FER: variants seen among roughly 807,000 people sequenced by gnomAD.
The protein encoded by FER is tyrosine-protein kinase Fer.
A neutral mutation model predicts 111.0 loss-of-function variants in FER; 63 were observed. The observed-to-expected ratio is 0.57, with a 90% CI of 0.46 to 0.70. The LOEUF (loss-of-function observed/expected upper bound fraction) is 0.70. Among genes scored for constraint, FER ranks in the 30% least tolerant of loss-of-function variants. The pLI is 0.00. For missense variants in FER, 914 were observed against 954.0 expected, an observed-to-expected ratio of 0.96 and a Z score of 0.55; for synonymous variants, 327 against 313.9, an observed-to-expected ratio of 1.04 and a Z score of -0.44.
chr5:108,785,358 T>C (rs1309770381), intron 2 of FER: 1 of 581,438 alleles, frequency 1.7e-6, no homozygotes, highest in Admixed American at 1.9e-5. Flanking sequence ...TGTGCTGCCA[T>C]GGGCCCCAGC....
chr5:108,833,038 C>T lies in FER; in HGVS notation c.381+95C>T, dbSNP rs114007137. The T allele has an allele frequency of 1.0e-3, 1,065 of 1,062,706 alleles. 7 individuals are homozygous for T. In the African/African-American group the frequency reaches 0.016, roughly 16 times the overall value. 65.8% of individuals were successfully genotyped at this position (1,062,706 alleles called of 1,614,324 possible). On this transcript the variant is annotated intron_variant, in intron 4 of 19. Transcript: ENST00000281092. ...TTGGCTTTAAAAATTGTTTATTCATCATTTCCCAACAAGAAATAGGTTTAT... is the reference window on the plus strand; with the variant it reads ...TTGGCTTTAAAAATTGTTTATTCATTATTTCCCAACAAGAAATAGGTTTAT...
chr5:109,011,132 A>T (rs1318653683), intron 13 of FER, among the ~76,000 whole-genome samples: 1 of 152,070 alleles, frequency 6.6e-6, no homozygotes, highest in Non-Finnish European at 1.5e-5. Context: ...TGTTAATGCT[A>T]TAGGTATTGT....
At chr5:108,843,729 A>G (rs1050086280) in intron 5 of FER, among the ~76,000 whole-genome samples, 2 of 151,888 alleles carry the variant, frequency 1.3e-5, no homozygotes, top group Non-Finnish European at 2.9e-5. Context: ...GGGTTTCACC[A>G]TGTTGGCCAG....
intron 10 of FER, among the ~76,000 whole-genome samples, chr5:108,919,317 C>T (rs1195978822): frequency 6.7e-6 from 1 of 149,760 alleles, no homozygotes; most frequent in African/African-American, 2.5e-5. Context: ...ATCAGTATTT[C>T]TATAGGTTTT....
chr5:108,902,590 C>T (rs1319667648), intron 10 of FER, among the ~76,000 whole-genome samples: 1 of 152,160 alleles, frequency 6.6e-6, no homozygotes, highest in African/African-American at 2.4e-5. Context: ...TCCCAATTCC[C>T]TTTCAAGGAG....
intron 13 of FER, among the ~76,000 whole-genome samples, chr5:109,017,911 A>C (rs1420882975): frequency 6.6e-6 from 1 of 151,902 alleles, no homozygotes; most frequent in Non-Finnish European, 1.5e-5. Context: ...ATCTGTGGTC[A>C]CATATATGAT....
chr5:109,060,107 G>A (rs1774193547), intron 16 of FER, among the ~76,000 whole-genome samples: 1 of 152,072 alleles, frequency 6.6e-6, no homozygotes, highest in South Asian at 2.1e-4. Flanking sequence ...GAAATACCCA[G>A]AAAAGACAAA....
intron 17 of FER, among the ~76,000 whole-genome samples, chr5:109,130,059 G>GAT (rs1487472342): frequency 2.4e-5 from 3 of 124,176 alleles, no homozygotes; most frequent in Non-Finnish European, 5.5e-5. Flanking sequence ...CTTGTGCGTA[G>GAT]GTTTTTTTTT....
intron 8 of FER, among the ~76,000 whole-genome samples, chr5:108,880,581 T>A (rs751112147): frequency 6.6e-6 from 1 of 152,120 alleles, no homozygotes; most frequent in Admixed American, 6.6e-5. Flanking sequence ...ACAATGATCT[T>A]GAATCTTAAT....
At chr5:108,992,634 A>T (rs1229343444) in intron 13 of FER, among the ~76,000 whole-genome samples, 1 of 137,368 alleles carries the variant, frequency 7.3e-6, no homozygotes, top group African/African-American at 2.8e-5. Context: ...CGGGGGGCTG[A>T]CCACCCCACC....
At chr5:109,164,002 TG>T (rs1456506011) in intron 17 of FER, among the ~76,000 whole-genome samples, 1 of 152,188 alleles carries the variant, frequency 6.6e-6, no homozygotes, top group African/African-American at 2.4e-5. Context: ...TTTTGCCTAT[TG>T]TTGTATTAGT....
intron 5 of FER, among the ~76,000 whole-genome samples, chr5:108,854,861 C>T (rs1411208915): frequency 6.7e-6 from 1 of 148,274 alleles, no homozygotes; most frequent in African/African-American, 2.5e-5. Context: ...CCAGAATTGC[C>T]TGACCCAGGA....
At chr5:109,152,945 C>T (rs1755009301) in intron 17 of FER, among the ~76,000 whole-genome samples, 3 of 151,774 alleles carry the variant, frequency 2.0e-5, no homozygotes, top group Non-Finnish European at 4.4e-5. Flanking sequence ...AATAGATTAA[C>T]AGTGGATTAA....
rs1435170023 is a variant in FER, at chr5:109,155,676, C to G, written c.2049-25071C>G. 2.6e-5 allele frequency among the ~76,000 whole-genome samples: 4 copies of G among 151,982 alleles called. No individual in the cohort carries two copies. In the East Asian group the frequency reaches 7.7e-4, roughly 29 times the overall value. Reference sequence around the variant, plus strand: ...TTTCACAAGAGTGAAAATATAGATTCTGAAACCTTTATACCAGAGAGCTTG... The same window carrying G: ...TTTCACAAGAGTGAAAATATAGATTGTGAAACCTTTATACCAGAGAGCTTG... On this transcript the variant is annotated intron_variant, in intron 17 of 19. Coordinates refer to ENST00000281092, the MANE Select transcript of FER (RefSeq NM_005246.4).
At chr5:109,135,162 A>G (rs1323373969) in intron 17 of FER, among the ~76,000 whole-genome samples, 1 of 152,198 alleles carries the variant, frequency 6.6e-6, no homozygotes, top group African/African-American at 2.4e-5. Context: ...AGGTGGGGAA[A>G]TGGTTGGAGA....
chr5:108,750,552 T>C (rs1335110277), intron 1 of FER, among the ~76,000 whole-genome samples: 1 of 152,250 alleles, frequency 6.6e-6, no homozygotes, highest in East Asian at 1.9e-4. Context: ...TCTGCATTGA[T>C]TGTTGACAGC....
chr5:108,934,111 G>A (rs754206028), intron 10 of FER, among the ~76,000 whole-genome samples: 1 of 152,136 alleles, frequency 6.6e-6, no homozygotes, highest in African/African-American at 2.4e-5. Context: ...GTGTTGAATA[G>A]GAGTGGTGAG....
intron 1 of FER, among the ~76,000 whole-genome samples, chr5:108,762,439 CCTT>C (rs1751864986): frequency 6.6e-6 from 1 of 152,178 alleles, no homozygotes; most frequent in South Asian, 2.1e-4. Flanking sequence ...TCCTTTTTCT[CCTT>C]CTGCATGATT....
In FER at chr5:109,192,433, TA is replaced by T. The variant is rs1392374611; in HGVS notation, c.*4861del. On this transcript the variant is annotated 3_prime_UTR_variant, in exon 20 of 20. Coordinates refer to ENST00000281092, the MANE Select transcript of FER (RefSeq NM_005246.4). ...CCAGTGTGTGGGCCTTAGCAAAGAG[TA>T]AACCAAATACCTCTCCTTGTGTTAG... 6.6e-6 allele frequency: 1 copy of T among 152,026 alleles called. No homozygotes were observed. The highest frequency in any genetic ancestry group is 1.5e-5 in the Non-Finnish European group (1 of 67,986). The allele number at this position is 152,026 out of a possible 1,614,324, so 9.4% of individuals were successfully genotyped here.
Sources: allele counts gnomAD v4.1 joint callset (sites outside exome capture counted in the v4.1 genomes callset), GRCh38; gene constraint gnomAD v4.1.1; transcripts MANE v1.5; gene names NCBI Gene and HGNC (gene_info 2026-07-23, HGNC 2026-07-21).